Variants in TNS3 observed in about 807,000 individuals in gnomAD.
TNS3 encodes tensin-3.
In TNS3, 45 loss-of-function variants were observed where a neutral mutation model predicts 140.9. The observed-to-expected ratio is 0.32, with a 90% CI of 0.25 to 0.41. The LOEUF is 0.41. Among genes scored for constraint, TNS3 ranks in the 10% least tolerant of loss-of-function variants. The probability of loss-of-function intolerance (pLI) is 1.00; values close to 1 mark genes in which losing one functional copy is unlikely to be tolerated. For synonymous variants in TNS3, 815 were observed against 788.4 expected, an observed-to-expected ratio of 1.03 and a Z score of -0.56; for missense variants, 1,716 against 1,906.7, an observed-to-expected ratio of 0.90 and a Z score of 1.86.
intron 2 of TNS3, among the ~76,000 whole-genome samples, chr7:47,517,376 A>AC (rs1206400202): frequency 6.6e-6 from 1 of 151,946 alleles, no homozygotes; most frequent in East Asian, 1.9e-4. Flanking sequence ...ACCAATCTTT[A>AC]CCCCCGAAAG....
At position 47,476,879 on chromosome 7, in the gene TNS3, G is replaced by A. The variant is rs547084797; in HGVS notation, c.-76+4224C>T. On this transcript the variant is annotated intron_variant, in intron 4 of 30. Coordinates refer to ENST00000311160, the MANE Select transcript of TNS3 (RefSeq NM_022748.12). Reference sequence around the variant, plus strand: ...TCCTTTCTCAACAATACTATGTGCCGATTTTGAGTCCATGAATTAATCTAA... The same window carrying A: ...TCCTTTCTCAACAATACTATGTGCCAATTTTGAGTCCATGAATTAATCTAA... 1.2e-3 allele frequency among the ~76,000 whole-genome samples: 186 copies of A among 152,262 alleles called. 2 individuals are homozygous for A. Among genetic ancestry groups the A allele is most frequent in the Non-Finnish European group, 1.3e-3 (88 of 68,024 alleles).
At chr7:47,572,189 G>A (rs554481608) in intron 1 of TNS3, among the ~76,000 whole-genome samples, 54 of 152,316 alleles carry the variant, frequency 3.5e-4, no homozygotes, top group Non-Finnish European at 3.5e-4. Context: ...CAAATAGCCC[G>A]GCAGCCGAGG....
chr7:47,505,415 G>A lies in TNS3; in HGVS notation c.-115+1492C>T, dbSNP rs574085259. On this transcript the variant is annotated intron_variant, in intron 3 of 30. Coordinates refer to ENST00000311160, the MANE Select transcript of TNS3 (RefSeq NM_022748.12). ...GCCTAGGAGTGTGTGAACAAGAAAT[G>A]CCCACTCCTCTGGAAAAGGGGAAGC... is the stretch of plus-strand genomic sequence containing the variant. 1.6e-4 allele frequency among the ~76,000 whole-genome samples: 25 copies of A among 152,304 alleles called. 1 individual carries two copies. The East Asian group carries it at 3.1e-3, about 19-fold the overall frequency.
At chr7:47,533,123 A>ATATATATATATATATT (rs1186427934) in intron 1 of TNS3, among the ~76,000 whole-genome samples, 1 of 88,828 alleles carries the variant, frequency 1.1e-5, no homozygotes, top group African/African-American at 6.3e-5. Context: ...ATATATATAT[A>ATATATATATATATATT]TTTTTTTTTT....
intron 3 of TNS3, among the ~76,000 whole-genome samples, chr7:47,493,029 G>A (rs1472621037): frequency 6.6e-6 from 1 of 152,220 alleles, no homozygotes; most frequent in South Asian, 2.1e-4. Context: ...GAAATCAATA[G>A]CAGGCTCTTC....
At chr7:47,560,770 G>A (rs1800304927) in intron 1 of TNS3, among the ~76,000 whole-genome samples, 1 of 152,122 alleles carries the variant, frequency 6.6e-6, no homozygotes, top group Non-Finnish European at 1.5e-5. Context: ...TCCTGGCTGG[G>A]GGACTTGGGA....
chr7:47,500,357 G>C (rs1047831479), intron 3 of TNS3, among the ~76,000 whole-genome samples: 1 of 152,222 alleles, frequency 6.6e-6, no homozygotes, highest in Non-Finnish European at 1.5e-5. Flanking sequence ...CATTTACTGA[G>C]ACGGCAGAGA....
intron 2 of TNS3, among the ~76,000 whole-genome samples, chr7:47,524,750 C>G (rs1374538106): frequency 9.5e-5 from 13 of 136,674 alleles, no homozygotes; most frequent in African/African-American, 3.5e-4. Context: ...TGCAGTGAGC[C>G]GAGATCGCGC....
chr7:47,344,875 C>A (rs1237130344), intron 19 of TNS3, 37 bp from the exon 20 acceptor site: 1 of 1,613,574 alleles, frequency 6.2e-7, no homozygotes, highest in East Asian at 2.2e-5. Flanking sequence ...TGTTGTCACC[C>A]TCCTTGGGCA....
chr7:47,549,063 C>T (rs1799994972), intron 1 of TNS3, among the ~76,000 whole-genome samples: 1 of 152,198 alleles, frequency 6.6e-6, no homozygotes, highest in Admixed American at 6.5e-5. Flanking sequence ...CTGGTCCACC[C>T]ACCACTGAAC....
intron 1 of TNS3, among the ~76,000 whole-genome samples, chr7:47,535,541 G>A (rs532040170): frequency 3.3e-5 from 5 of 152,220 alleles, no homozygotes; most frequent in Admixed American, 6.5e-5. Flanking sequence ...TCTCCCAAAG[G>A]GGGAGAGGAG....
intron 3 of TNS3, among the ~76,000 whole-genome samples, chr7:47,486,284 G>A (rs1256692889): frequency 6.6e-6 from 1 of 151,998 alleles, no homozygotes; most frequent in Non-Finnish European, 1.5e-5. Context: ...GAACGTGCAT[G>A]TGTGAAACTG....
At chr7:47,331,846 A>G (rs1788360132) in intron 20 of TNS3, among the ~76,000 whole-genome samples, 1 of 152,240 alleles carries the variant, frequency 6.6e-6, no homozygotes. Flanking sequence ...AAAATGTGAT[A>G]GAATTTAAAC....
intron 11 of TNS3, among the ~76,000 whole-genome samples, chr7:47,414,369 T>C (rs1308880871): frequency 6.6e-6 from 1 of 152,200 alleles, no homozygotes; most frequent in Non-Finnish European, 1.5e-5. Flanking sequence ...TGCATGCGAC[T>C]GGCGAGGAAG....
chr7:47,483,035 A>G (rs1797480148), intron 3 of TNS3, among the ~76,000 whole-genome samples: 2 of 152,228 alleles, frequency 1.3e-5, no homozygotes, highest in South Asian at 4.1e-4. Context: ...CAGAATGTAC[A>G]ACACCAGGAG....
At chr7:47,375,931 C>T (rs1791356996) in intron 16 of TNS3, among the ~76,000 whole-genome samples, 2 of 152,182 alleles carry the variant, frequency 1.3e-5, no homozygotes, top group Admixed American at 1.3e-4. Context: ...GGAACCTTTC[C>T]TTTTTCTAGG....
At chr7:47,456,454 G>A (rs1562765361) in intron 4 of TNS3, among the ~76,000 whole-genome samples, 1 of 152,184 alleles carries the variant, frequency 6.6e-6, no homozygotes, top group Non-Finnish European at 1.5e-5. Context: ...ACATAATGCA[G>A]AGTTCTAGGA....
intron 2 of TNS3, among the ~76,000 whole-genome samples, chr7:47,519,160 G>C (rs1399892324): frequency 6.6e-6 from 1 of 152,166 alleles, no homozygotes; most frequent in Non-Finnish European, 1.5e-5. Flanking sequence ...CAGGGCGCCA[G>C]CTCCCATCCC....
Position 47,303,521 on chromosome 7 carries a change from C to T in TNS3, c.2886G>A (p.Gly962=). Residue 962 remains glycine (G), a synonymous_variant, in exon 22 of 31, where the codon GGG becomes GGA. Transcript: ENST00000311160. ...SSPKPMVSLL[G]SGRPTGSPLS... ...GGGGACTTCCGGTGGGCCGGCCGCT[C>T]CCCAGCAGGGAAACCATGGGCTTGG... is the stretch of plus-strand genomic sequence containing the variant. The T allele has an allele frequency of 6.2e-7, 1 of 1,606,876 alleles. No individual in the cohort carries two copies. The highest frequency in any genetic ancestry group is 8.5e-7 in the Non-Finnish European group (1 of 1,179,250).
Sources: gnomAD v4.1 joint callset for allele counts (sites outside exome capture counted in the v4.1 genomes callset) on GRCh38, gnomAD v4.1.1 for gene constraint, MANE v1.5 for transcripts, NCBI Gene and HGNC (gene_info 2026-07-23, HGNC 2026-07-21) for gene names.